The following CD96 variants were observed in gnomAD, a reference collection of about 807,000 sequenced individuals.
The protein encoded by CD96 is CD96 molecule.
CD96 carries 70 observed loss-of-function variants against 71.3 expected under a neutral mutation model. That is an observed-to-expected ratio of 0.98 (90% CI 0.81 to 1.20). CD96 has a LOEUF of 1.20. Among genes scored for constraint, CD96 ranks in the 50% most tolerant of loss-of-function variants. CD96 has a pLI of 0.00. For synonymous variants in CD96, 248 were observed against 233.0 expected (o/e 1.06, Z -0.59); for missense variants, 742 against 677.5 (o/e 1.10, Z -1.06).
chr3:111,560,569 G>T (rs1217675704), intron 2 of CD96, among the ~76,000 whole-genome samples: 2 of 107,006 alleles, frequency 1.9e-5, no homozygotes, highest in African/African-American at 3.8e-5. Flanking sequence ...GGTTTCTGCC[G>T]AGAGATCCAC....
At chr3:111,664,427 G>A (rs570424175) in intron 14 of CD96, among the ~76,000 whole-genome samples, 56 of 152,250 alleles carry the variant, frequency 3.7e-4, no homozygotes, top group Admixed American at 1.6e-3. Flanking sequence ...AAAATACCAC[G>A]TGTTCTCACT....
At chr3:111,546,899 C>A (rs1463627428) in intron 2 of CD96, among the ~76,000 whole-genome samples, 3 of 136,462 alleles carry the variant, frequency 2.2e-5, no homozygotes, top group Non-Finnish European at 4.8e-5. Context: ...ACACACCACA[C>A]ACACACACAC....
intron 10 of CD96, chr3:111,634,886 A>C (rs1939249814): frequency 6.7e-6 from 1 of 150,044 alleles, no homozygotes; most frequent in East Asian, 1.9e-4. Context: ...CAAGAGAAAA[A>C]CTCTGTCTCA....
intron 3 of CD96, chr3:111,577,464 C>T (rs755893646): frequency 1.4e-6 from 2 of 1,453,604 alleles, no homozygotes; most frequent in Non-Finnish European, 1.9e-6. Context: ...CTCTGTAATA[C>T]AGTCTTTCTC....
chr3:111,564,708 G>A (rs35433272), intron 2 of CD96, among the ~76,000 whole-genome samples: 7,533 of 151,928 alleles, frequency 0.05, 251 homozygotes, highest in Middle Eastern at 0.088. Context: ...TTTGCTTCTG[G>A]TATCTTTATA....
chr3:111,593,363 G>A (rs189388435), intron 5 of CD96: 6 of 640,246 alleles, frequency 9.4e-6, no homozygotes, highest in African/African-American at 3.6e-5. Flanking sequence ...AGAGCTCTAG[G>A]AACCTCGTAG....
chr3:111,635,576 C>T (rs565236237), intron 10 of CD96, among the ~76,000 whole-genome samples: 12 of 152,246 alleles, frequency 7.9e-5, no homozygotes, highest in Non-Finnish European at 1.5e-5. Flanking sequence ...GGCTATTTTG[C>T]TTGGGGAAAA....
chr3:111,626,204 G>A (rs548991186), intron 10 of CD96, among the ~76,000 whole-genome samples: 37 of 151,192 alleles, frequency 2.4e-4, no homozygotes, highest in Non-Finnish European at 3.7e-4. Context: ...GGGAGGCTGA[G>A]GCAGGAGAAT....
Position 111,545,118 on chromosome 3 carries a change from G to T in CD96, c.134G>T (p.Cys45Phe). Residue 45 changes from cysteine to phenylalanine, a missense_variant, in exon 2 of 14, where the codon TGC (cysteine) becomes TTC (phenylalanine). Coordinates refer to ENST00000352690, the MANE Select transcript of CD96 (RefSeq NM_005816.5). ...CTTGGCTCTGATGTCAACCTGACCT[G>T]CCAAACACAGACAGTAGGCTTCTTC... is the stretch of plus-strand genomic sequence containing the variant. ...ATLGSDVNLT[C>F]QTQTVGFFVQ... The T allele has an allele frequency of 1.9e-6, 3 of 1,614,166 alleles. No homozygotes were observed. Among genetic ancestry groups the T allele is most frequent in the Non-Finnish European group, 2.5e-6 (3 of 1,180,034 alleles).
intron 10 of CD96, among the ~76,000 whole-genome samples, chr3:111,627,732 C>T (rs1938846691): frequency 6.6e-6 from 1 of 152,234 alleles, no homozygotes; most frequent in Non-Finnish European, 1.5e-5. Context: ...TCTCCAACCA[C>T]CTCCTACAGG....
At chr3:111,627,783 G>C (rs182612373) in intron 10 of CD96, among the ~76,000 whole-genome samples, 171 of 152,358 alleles carry the variant, frequency 1.1e-3, no homozygotes, top group Non-Finnish European at 1.8e-3. Context: ...CCCTGGGACA[G>C]AGCTTTCAGA....
intron 2 of CD96, among the ~76,000 whole-genome samples, chr3:111,549,707 G>A (rs1468115228): frequency 6.6e-6 from 1 of 152,148 alleles, no homozygotes; most frequent in Admixed American, 6.6e-5. Context: ...GGAATAAAAA[G>A]CAGCGTCAAG....
In CD96 at chr3:111,649,909, G is replaced by A. The variant is rs1940002662; in HGVS notation, c.*103G>A. On this transcript the variant is annotated 3_prime_UTR_variant, in exon 14 of 14. Transcript: ENST00000352690. ...GTCGCTCTTCAGCCATGCCTTTGCT[G>A]CAGCTGAAATGGAAGTCAGAAGTGA... 2.4e-6 allele frequency: 2 copies of A among 816,440 alleles called. No homozygotes were observed. Among genetic ancestry groups the A allele is most frequent in the Non-Finnish European group, 4.2e-6 (2 of 472,552 alleles). The allele number at this position is 816,440 out of a possible 1,614,324, so 50.6% of individuals were successfully genotyped here. A position where few individuals can be genotyped will look rare whatever the true frequency, so the allele number is the denominator to read the frequency against.
Position 111,651,516 on chromosome 3 carries a change from T to C in CD96, c.*1710T>C. Reference sequence around the variant, plus strand: ...ACACTGTGGCTTCTTCTTTGATCTCTCTTTGACCATACTGACACTGGGAAA... The same window carrying C: ...ACACTGTGGCTTCTTCTTTGATCTCCCTTTGACCATACTGACACTGGGAAA... On this transcript the variant is annotated 3_prime_UTR_variant, in exon 14 of 14. Transcript: ENST00000352690. 1 of 152,400 alleles carries C rather than the reference T, an allele frequency of 6.6e-6. No individual in the cohort carries two copies. Among genetic ancestry groups the C allele is most frequent in the Non-Finnish European group, 1.5e-5 (1 of 68,114 alleles). 9.4% of individuals were successfully genotyped at this position (152,400 alleles called of 1,614,324 possible).
chr3:111,647,592 A>T lies in CD96; in HGVS notation c.1527A>T (p.Val509=). The T allele has an allele frequency of 1.2e-6, 2 of 1,611,002 alleles. No homozygotes were observed. Among genetic ancestry groups the T allele is most frequent in the South Asian group, 2.2e-5 (2 of 91,032 alleles). Residue 509 remains valine, a synonymous_variant, in exon 13 of 14, where the codon GTA becomes GTT. Transcript: ENST00000352690. ...ATGGAATGTCCTGGCCAGTGATTGT[A>T]GCAGCTTTACTCTTTTGCTGCATGA... ...PKDGMSWPVI[V]AALLFCCMIL... is the part of the protein sequence containing the mutation.
At chr3:111,589,193 G>A (rs7648718) in intron 5 of CD96, among the ~76,000 whole-genome samples, 13,138 of 151,706 alleles carry the variant, frequency 0.087, 701 homozygotes, top group Non-Finnish European at 0.12. Context: ...CTCGTGATCC[G>A]CCCGCCTCGG....
chr3:111,632,475 G>A (rs1439260755), intron 10 of CD96, among the ~76,000 whole-genome samples: 1 of 152,160 alleles, frequency 6.6e-6, no homozygotes, highest in Non-Finnish European at 1.5e-5. Context: ...AACAACAGAT[G>A]CTGATGAGGG....
At chr3:111,561,973 CA>C (rs1935453357) in intron 2 of CD96, among the ~76,000 whole-genome samples, 1 of 151,744 alleles carries the variant, frequency 6.6e-6, no homozygotes, top group East Asian at 1.9e-4. Context: ...CCCGATTTTC[CA>C]GGTGCGTCCG....
rs986858977 is a variant in CD96, at chr3:111,650,909, C to T, written c.*1103C>T. ...CACTCCCTGCTCCAGGAGGGAAAAA[C>T]AGATGTTGTTGACAGATAGAGTGAT... On this transcript the variant is annotated 3_prime_UTR_variant, in exon 14 of 14. Transcript: ENST00000352690. The T allele has an allele frequency of 2.0e-5, 3 of 152,234 alleles. No individual in the cohort carries two copies. Among genetic ancestry groups the T allele is most frequent in the African/African-American group, 7.2e-5 (3 of 41,456 alleles). 9.4% of individuals were successfully genotyped at this position (152,234 alleles called of 1,614,324 possible).
Sources: allele counts gnomAD v4.1 joint callset (sites outside exome capture counted in the v4.1 genomes callset), GRCh38; gene constraint gnomAD v4.1.1; transcripts MANE v1.5; gene names NCBI Gene and HGNC (gene_info 2026-07-23, HGNC 2026-07-21).